DPP6: variants seen among roughly 807,000 people sequenced by gnomAD.
The protein encoded by DPP6 is A-type potassium channel modulatory protein DPP6.
DPP6 carries 69 observed loss-of-function variants against 122.6 expected under a neutral mutation model. The observed-to-expected ratio is 0.56, with a 90% CI of 0.46 to 0.69. The LOEUF (loss-of-function observed/expected upper bound fraction) is 0.69. Ranked by LOEUF, DPP6 falls within the 30% of genes least tolerant of loss-of-function variation. The pLI, the probability that DPP6 is intolerant of heterozygous loss-of-function variation, is 0.00. For missense variants in DPP6, 928 were observed against 1,116.9 expected, an observed-to-expected ratio of 0.83 and a Z score of 2.41; for synonymous variants, 418 against 433.1, an observed-to-expected ratio of 0.97 and a Z score of 0.43.
At chr7:154,399,596 G>A (rs781367695) in intron 1 of DPP6, among the ~76,000 whole-genome samples, 1 of 152,176 alleles carries the variant, frequency 6.6e-6, no homozygotes, top group Non-Finnish European at 1.5e-5. Context: ...CTGGGTAATT[G>A]TTTTGAGCAG....
chr7:154,497,691 T>G lies in DPP6; in HGVS notation c.457+22654T>G, dbSNP rs377594672. On this transcript the variant is annotated intron_variant, in intron 3 of 25. Transcript: ENST00000377770. Reference sequence around the variant, plus strand: ...TCACAGCAGCATATTCACAATAGTATCAAATAAAAAATTTTGAAAATAGAA... The same window carrying G: ...TCACAGCAGCATATTCACAATAGTAGCAAATAAAAAATTTTGAAAATAGAA... Among the ~76,000 whole-genome samples the G allele has an allele frequency of 3.3e-5, 5 of 152,024 alleles. No individual in the cohort carries two copies. In the East Asian group the frequency reaches 7.7e-4, roughly 23 times the overall value.
At position 154,428,900 on chromosome 7, in the gene DPP6, G is replaced by A. The variant is rs533758213; in HGVS notation, c.244-17314G>A. Among the ~76,000 whole-genome samples, 178 of 152,240 alleles carry A rather than the reference G, an allele frequency of 1.2e-3. 2 individuals carry two copies. The highest frequency in any genetic ancestry group is 4.1e-3 in the African/African-American group (169 of 41,556). The stretch of plus-strand genomic sequence containing the variant: ...TAAAAAGACACATATTGGGTACAAC[G>A]TACAGTGTTAAGATGATGGGTGCAC... On this transcript the variant is annotated intron_variant, in intron 1 of 25. Coordinates refer to ENST00000377770, the MANE Select transcript of DPP6 (RefSeq NM_130797.4).
At chr7:154,220,039 A>G (rs1424789890) in intron 1 of DPP6, among the ~76,000 whole-genome samples, 2 of 152,198 alleles carry the variant, frequency 1.3e-5, no homozygotes, top group Admixed American at 1.3e-4. Context: ...ATATTCTTGT[A>G]CATTTCAAGA....
chr7:153,855,823 T>A, the DPP6 span, among the ~76,000 whole-genome samples: 2 of 152,132 alleles, frequency 1.3e-5, no homozygotes, highest in Admixed American at 1.3e-4. Context: ...TCTCTGCATA[T>A]GTACTTGGCC....
rs1800430387 is a variant in DPP6 at position 154,052,564 on chromosome 7, C to G, written c.-257C>G. 1 of 1,124,512 alleles carries G rather than the reference C, an allele frequency of 8.9e-7. No individual in the cohort carries two copies. The highest frequency in any genetic ancestry group is 4.8e-5 in the East Asian group (1 of 20,728). 69.7% of individuals were successfully genotyped at this position (1,124,512 alleles called of 1,614,324 possible). A position where few individuals can be genotyped will look rare whatever the true frequency, so the allele number is the denominator to read the frequency against. On this transcript the variant is annotated 5_prime_UTR_variant, in exon 1 of 26. Transcript: ENST00000377770. This position sits in a 1 kb window ranked among gnomAD's most constrained non-coding sequence, Gnocchi z 4.8. ...ATAAAAACAGGAAAGAGAGAAAGCACAGCCAGAGCCCCGGCTTCGCGAGCC... is the reference window on the plus strand; with the variant it reads ...ATAAAAACAGGAAAGAGAGAAAGCAGAGCCAGAGCCCCGGCTTCGCGAGCC...
the DPP6 span, among the ~76,000 whole-genome samples, chr7:153,800,249 G>T: frequency 6.6e-6 from 1 of 152,126 alleles, no homozygotes; most frequent in Non-Finnish European, 1.5e-5. Context: ...CCATAAAATA[G>T]AATAAAATCC....
At chr7:154,194,434 A>G (rs1798765285) in intron 1 of DPP6, among the ~76,000 whole-genome samples, 1 of 152,236 alleles carries the variant, frequency 6.6e-6, no homozygotes, top group South Asian at 2.1e-4. Context: ...GCACACATTA[A>G]TAAGCTTTGG....
At chr7:154,646,284 G>A (rs984826320) in intron 6 of DPP6, among the ~76,000 whole-genome samples, 37 of 152,200 alleles carry the variant, frequency 2.4e-4, no homozygotes, top group African/African-American at 7.7e-4. Context: ...TGCCTCTGAG[G>A]TTTCTATTCT....
At chr7:154,106,040 C>T (rs1011934525) in intron 1 of DPP6, among the ~76,000 whole-genome samples, 1 of 152,088 alleles carries the variant, frequency 6.6e-6, no homozygotes, top group African/African-American at 2.4e-5. Flanking sequence ...ACACTGTGCT[C>T]CCACAGATTA....
chr7:154,054,173 T>G (rs945008443), intron 1 of DPP6, among the ~76,000 whole-genome samples: 6 of 152,090 alleles, frequency 3.9e-5, no homozygotes, highest in Admixed American at 6.5e-5. Context: ...CACCGGCCTC[T>G]CACTTAGTCT....
At chr7:154,341,510 G>A (rs1013539187) in intron 1 of DPP6, among the ~76,000 whole-genome samples, 3 of 151,844 alleles carry the variant, frequency 2.0e-5, no homozygotes, top group East Asian at 1.9e-4. Flanking sequence ...CTCCTGGGTC[G>A]GGCTTTACTT....
At chr7:154,538,383 G>T (rs1158524461) in intron 3 of DPP6, among the ~76,000 whole-genome samples, 6 of 152,080 alleles carry the variant, frequency 3.9e-5, no homozygotes, top group South Asian at 2.1e-4. Context: ...TTATCCTGAT[G>T]CTCTCCCTCC....
At chr7:154,533,836 G>A (rs4397310) in intron 3 of DPP6, among the ~76,000 whole-genome samples, 58,126 of 151,698 alleles carry the variant, frequency 0.38, 11,541 homozygotes, top group African/African-American at 0.47. Context: ...AATCTCTACA[G>A]AAATTTAAAA....
chr7:154,656,977 G>T (rs1252440464), intron 6 of DPP6, among the ~76,000 whole-genome samples: 2 of 100,646 alleles, frequency 2.0e-5, no homozygotes, highest in African/African-American at 9.3e-5. Context: ...GAGGTGCCCA[G>T]AGATGGGTGG....
rs185697552 is a variant in DPP6, at chr7:154,132,255, A to G, written c.243+79192A>G. ...CTGCTGGCTTAATATTGATCTGACT[A>G]TGTATTTCCCTTGGCTCGCTAAATA... On this transcript the variant is annotated intron_variant, in intron 1 of 25. Coordinates refer to ENST00000377770, the MANE Select transcript of DPP6 (RefSeq NM_130797.4). 3.5e-3 allele frequency among the ~76,000 whole-genome samples: 540 copies of G among 152,300 alleles called. 7 individuals carry two copies. Among genetic ancestry groups the G allele is most frequent in the African/African-American group, 0.012 (501 of 41,562 alleles).
At chr7:154,148,988 GGT>G (rs1796266975) in intron 1 of DPP6, among the ~76,000 whole-genome samples, 1 of 152,136 alleles carries the variant, frequency 6.6e-6, no homozygotes, top group Non-Finnish European at 1.5e-5. Context: ...AGCAGATGGG[GGT>G]TTAGCTAGAA....
chr7:154,696,042 G>T (rs1840197342), intron 7 of DPP6, among the ~76,000 whole-genome samples: 1 of 152,172 alleles, frequency 6.6e-6, no homozygotes, highest in Non-Finnish European at 1.5e-5. Flanking sequence ...CTTGAAATCG[G>T]CCCCCGGGGC....
Position 154,062,253 on chromosome 7 carries a change from C to G in DPP6, c.243+9190C>G, listed in dbSNP as rs1291305131. Among the ~76,000 whole-genome samples the G allele has an allele frequency of 5.3e-5, 5 of 94,242 alleles. 1 individual carries two copies. Among genetic ancestry groups the G allele is most frequent in the African/African-American group, 1.6e-4 (4 of 25,416 alleles). The allele number at this position is 94,242 out of a possible 152,430, so 61.8% of individuals were successfully genotyped here. ...GTAGAAAGTTCAAATCTTCTGACGG[C>G]AGGTACCTTACGTGGGATTACTGAG... On this transcript the variant is annotated intron_variant, in intron 1 of 25. Coordinates refer to ENST00000377770, the MANE Select transcript of DPP6 (RefSeq NM_130797.4).
intron 1 of DPP6, among the ~76,000 whole-genome samples, chr7:154,210,299 C>T (rs1038140246): frequency 4.6e-5 from 7 of 152,154 alleles, no homozygotes; most frequent in Admixed American, 3.3e-4. Context: ...GTGAGGTCTT[C>T]CCTGAGCAAA....
Sources: allele counts gnomAD v4.1 joint callset (sites outside exome capture counted in the v4.1 genomes callset), GRCh38; gene constraint gnomAD v4.1.1; non-coding constraint Gnocchi (gnomAD v3.1); transcripts MANE v1.5; gene names NCBI Gene and HGNC (gene_info 2026-07-23, HGNC 2026-07-21).